Variants in FNBP4 observed in about 807,000 individuals in gnomAD.
FNBP4 encodes the protein formin-binding protein 4.
FNBP4 carries 34 observed loss-of-function variants against 119.3 expected under a neutral mutation model. The ratio of observed to expected loss-of-function variants is 0.28; its 90% CI spans 0.22 to 0.38. The LOEUF (loss-of-function observed/expected upper bound fraction) is 0.38, where lower values mean the gene tolerates loss of function less well. FNBP4 is among the 10% of genes least tolerant of loss of function. The pLI is 1.00. For missense variants in FNBP4, 1,112 were observed against 1,228.9 expected (o/e 0.90, Z 1.42); for synonymous variants, 462 against 430.6 (o/e 1.07, Z -0.90).
chr11:47,760,259 A>ATTTTT (rs199885568), intron 2 of FNBP4, among the ~76,000 whole-genome samples: 19 of 127,918 alleles, frequency 1.5e-4, no homozygotes, highest in African/African-American at 5.6e-4. Flanking sequence ...TTGATCAAAC[A>ATTTTT]TTTTTTTTTT....
intron 1 of FNBP4, 86 bp downstream of exon 1, chr11:47,766,983 C>G (rs2097649005): frequency 7.0e-7 from 1 of 1,425,466 alleles, no homozygotes. Flanking sequence ...CCTCGCCCGC[C>G]TCCCTCGCCG....
chr11:47,750,056 C>T (rs1190838966), intron 6 of FNBP4, among the ~76,000 whole-genome samples: 5 of 152,102 alleles, frequency 3.3e-5, no homozygotes, highest in Middle Eastern at 3.4e-3. Context: ...ATCCAAGAGG[C>T]CTCTGTGATA....
At chr11:47,763,553 T>C (rs1033118924) in intron 2 of FNBP4, among the ~76,000 whole-genome samples, 4 of 151,938 alleles carry the variant, frequency 2.6e-5, no homozygotes, top group African/African-American at 9.7e-5. Flanking sequence ...CAGGCTGGAG[T>C]GCAGTGGCGT....
chr11:47,717,756 T>C (rs909449186), intron 16 of FNBP4, among the ~76,000 whole-genome samples: 17 of 152,194 alleles, frequency 1.1e-4, no homozygotes, highest in African/African-American at 4.1e-4. Context: ...TTATTTATTA[T>C]TGACTGATTG....
intron 8 of FNBP4, 145 bp from the exon 9 acceptor site, chr11:47,736,885 A>C: frequency 1.3e-6 from 1 of 789,672 alleles, no homozygotes; most frequent in Non-Finnish European, 2.0e-6. Flanking sequence ...CTCTTCAAAC[A>C]TGTCAGCCTA....
chr11:47,754,862 C>A (rs1021887629), intron 2 of FNBP4, among the ~76,000 whole-genome samples, 198 bp from the exon 3 acceptor site: 1 of 151,922 alleles, frequency 6.6e-6, no homozygotes, highest in Non-Finnish European at 1.5e-5. Flanking sequence ...GATCTATAGG[C>A]CTGGTGCAGT....
intron 9 of FNBP4, among the ~76,000 whole-genome samples, chr11:47,734,644 G>A (rs1025383945): frequency 6.6e-6 from 1 of 152,146 alleles, no homozygotes; most frequent in Non-Finnish European, 1.5e-5. Context: ...GGAATATGGG[G>A]AGATGTTGGT....
rs1336610026 is a variant in FNBP4, at chr11:47,760,417, G to A, written c.313+4853C>T. Among the ~76,000 whole-genome samples, 3 of 148,658 alleles carry A rather than the reference G, an allele frequency of 2.0e-5. No individual in the cohort carries two copies. In the East Asian group the frequency reaches 6.0e-4, roughly 30 times the overall value. On this transcript the variant is annotated intron_variant, in intron 2 of 16. Transcript: ENST00000263773. ...GTTGGGATTACAAGTGCGTGCCAAT[G>A]TAATTTTTGTATTTTTTTGTTTTTT...
chr11:47,759,754 A>G (rs7927771), intron 2 of FNBP4, among the ~76,000 whole-genome samples: 41,646 of 151,758 alleles, frequency 0.27, 6,797 homozygotes, highest in Middle Eastern at 0.38. Context: ...GGAGTTCAAG[A>G]TTGGCTGGCC....
intron 15 of FNBP4, among the ~76,000 whole-genome samples, chr11:47,721,538 G>A (rs921871859): frequency 6.6e-6 from 1 of 152,028 alleles, no homozygotes; most frequent in Non-Finnish European, 1.5e-5. Context: ...GGAGGCAGAG[G>A]TTGCAGTGAG....
rs1305104866 is a variant in FNBP4 at position 47,731,543 on chromosome 11, G to A, written c.1839C>T (p.Phe613=). Residue 613 remains phenylalanine (F), a synonymous_variant, in exon 12 of 17, where the codon TTC becomes TTT. Transcript: ENST00000263773. ...ACTCGCCCGACTGTTCGTTTACATA[G>A]AAATACCGTCTATGATCCCTAAATT... The part of the protein sequence containing the change: ...CHWDRDHRRY[F]YVNEQSGESQ... The A allele has an allele frequency of 1.2e-6, 2 of 1,609,584 alleles. No homozygotes were observed. Among genetic ancestry groups the A allele is most frequent in the South Asian group, 2.2e-5 (2 of 90,330 alleles).
intron 8 of FNBP4, among the ~76,000 whole-genome samples, chr11:47,740,685 C>T (rs1382930392): frequency 6.6e-6 from 1 of 151,624 alleles, no homozygotes; most frequent in African/African-American, 2.4e-5. Flanking sequence ...CTTCCGCCTC[C>T]TGGGTTCAGG....
Position 47,767,301 on chromosome 11 carries a change from C to A in FNBP4, c.-13G>T. ...ACTTCTTCCCCATCGCGAGCCCAAG[C>A]GCGAGCAGAGAGCGTCGGGCGGCCG... is the stretch of plus-strand genomic sequence containing the variant. On this transcript the variant is annotated 5_prime_UTR_variant, in exon 1 of 17. Transcript: ENST00000263773. The A allele has an allele frequency of 2.0e-6, 3 of 1,492,012 alleles. No homozygotes were observed. The highest frequency in any genetic ancestry group is 2.6e-5 in the South Asian group (2 of 77,774). 92.4% of individuals were successfully genotyped at this position (1,492,012 alleles called of 1,614,324 possible). A position where few individuals can be genotyped will look rare whatever the true frequency, so the allele number is the denominator to read the frequency against.
chr11:47,728,202 G>T (rs1301422978), intron 12 of FNBP4, among the ~76,000 whole-genome samples: 2 of 151,832 alleles, frequency 1.3e-5, no homozygotes, highest in Non-Finnish European at 2.9e-5. Context: ...CGTGCTCAAA[G>T]ATTTAAAAGC....
chr11:47,762,927 A>AAAG (rs1237550191), intron 2 of FNBP4, among the ~76,000 whole-genome samples: 2 of 144,366 alleles, frequency 1.4e-5, no homozygotes, highest in Non-Finnish European at 3.0e-5. Flanking sequence ...AAAAAAAAAA[A>AAAG]GAGTCTCTCT....
intron 2 of FNBP4, among the ~76,000 whole-genome samples, chr11:47,757,297 C>T (rs1383692647): frequency 1.3e-5 from 2 of 152,166 alleles, no homozygotes; most frequent in Non-Finnish European, 2.9e-5. Flanking sequence ...TCACTACAAG[C>T]TCTGCCTCTC....
intron 8 of FNBP4, among the ~76,000 whole-genome samples, chr11:47,741,588 C>G (rs1412130830): frequency 6.6e-6 from 1 of 151,516 alleles, no homozygotes; most frequent in Non-Finnish European, 1.5e-5. Flanking sequence ...GAGGCTGAGG[C>G]GGGTGGATCA....
intron 9 of FNBP4, 21 bp from the exon 10 acceptor site, chr11:47,734,150 A>G: frequency 7.4e-7 from 1 of 1,354,984 alleles, no homozygotes. Flanking sequence ...AAAAAGAAAA[A>G]AAGTAAAACT....
chr11:47,755,965 A>G (rs1285059318), intron 2 of FNBP4, among the ~76,000 whole-genome samples: 1 of 152,216 alleles, frequency 6.6e-6, no homozygotes, highest in Non-Finnish European at 1.5e-5. Context: ...ATTACAGTGT[A>G]GCAGCTGAAA....
Sources: allele counts gnomAD v4.1 joint callset (sites outside exome capture counted in the v4.1 genomes callset), GRCh38; gene constraint gnomAD v4.1.1; transcripts MANE v1.5; gene names NCBI Gene and HGNC (gene_info 2026-07-23, HGNC 2026-07-21).